Variants in VOPP1 observed in about 807,000 individuals in gnomAD.
The protein encoded by VOPP1 is WW domain binding protein VOPP1.
VOPP1 carries 8 observed loss-of-function variants against 23.5 expected under a neutral mutation model. The ratio of observed to expected loss-of-function variants is 0.34; its 90% CI spans 0.20 to 0.61. The LOEUF is 0.61. Ranked by LOEUF, VOPP1 falls within the 20% of genes least tolerant of loss-of-function variation. The pLI is 0.78. For synonymous variants in VOPP1, 83 were observed against 97.3 expected (o/e 0.85, Z 0.86); for missense variants, 174 against 238.1 (o/e 0.73, Z 1.77).
At chr7:55,532,155 G>C (rs926495493) in intron 1 of VOPP1, among the ~76,000 whole-genome samples, 1 of 152,244 alleles carries the variant, frequency 6.6e-6, no homozygotes, top group African/African-American at 2.4e-5. Context: ...GAAAAGCTGA[G>C]ATGTGACTAA....
At chr7:55,545,732 TG>T in intron 1 of VOPP1, among the ~76,000 whole-genome samples, 1 of 152,226 alleles carries the variant, frequency 6.6e-6, no homozygotes, top group South Asian at 2.1e-4. Flanking sequence ...GCAAGCCCCA[TG>T]GAAGCTCACA....
At chr7:55,478,938 T>C (rs1013101924) in intron 4 of VOPP1, among the ~76,000 whole-genome samples, 1 of 151,516 alleles carries the variant, frequency 6.6e-6, no homozygotes, top group Non-Finnish European at 1.5e-5. Context: ...GGAAGGAGAG[T>C]TGGAGGGGGA....
At chr7:55,551,848 G>A (rs577532967) in intron 1 of VOPP1, among the ~76,000 whole-genome samples, 8 of 151,892 alleles carry the variant, frequency 5.3e-5, no homozygotes, top group African/African-American at 1.7e-4. Context: ...GAGACCAGCC[G>A]GGCCAACATG....
chr7:55,496,575 AG>A (rs1323557630), intron 3 of VOPP1, among the ~76,000 whole-genome samples: 5 of 152,222 alleles, frequency 3.3e-5, no homozygotes, highest in African/African-American at 9.6e-5. Flanking sequence ...AGCAGCTGTA[AG>A]GTCAGGTGAG....
rs190238341 is a variant in VOPP1, at chr7:55,509,624, A to C, written c.113+11448T>G. Among the ~76,000 whole-genome samples the C allele has an allele frequency of 3.6e-4, 55 of 152,312 alleles. No homozygotes were observed. In the East Asian group the frequency reaches 0.01, roughly 29 times the overall value. On this transcript the variant is annotated intron_variant, in intron 2 of 4. Transcript: ENST00000285279. ...TTAGCTGTTATAAGCAAATGCTCAG[A>C]ACTCTTAAGTCTACATTCCAGCTCT...
At chr7:55,558,658 A>C (rs1022586601) in intron 1 of VOPP1, among the ~76,000 whole-genome samples, 3 of 152,052 alleles carry the variant, frequency 2.0e-5, no homozygotes, top group African/African-American at 7.2e-5. Flanking sequence ...AGGTGCTGTA[A>C]AGTCTCTTCA....
At chr7:55,510,386 G>T (rs538191641) in intron 2 of VOPP1, among the ~76,000 whole-genome samples, 1 of 152,020 alleles carries the variant, frequency 6.6e-6, no homozygotes, top group Admixed American at 6.6e-5. Context: ...CATTCAGACC[G>T]CAATAAACTT....
At chr7:55,569,913 A>T (rs117754628) in intron 1 of VOPP1, among the ~76,000 whole-genome samples, 1,665 of 152,316 alleles carry the variant, frequency 0.011, 11 homozygotes, top group Middle Eastern at 0.024. Context: ...CACCACTGCC[A>T]CAAGGCCACC....
chr7:55,465,363 T>C (rs976328592), intron 4 of VOPP1, among the ~76,000 whole-genome samples: 3 of 152,152 alleles, frequency 2.0e-5, no homozygotes, highest in African/African-American at 7.2e-5. Flanking sequence ...GCAACACACA[T>C]CAACCTTTCA....
At chr7:55,543,963 C>A (rs986819710) in intron 1 of VOPP1, among the ~76,000 whole-genome samples, 1 of 152,126 alleles carries the variant, frequency 6.6e-6, no homozygotes, top group African/African-American at 2.4e-5. Flanking sequence ...GCTTTTGAGG[C>A]TTTACTCAAG....
intron 1 of VOPP1, among the ~76,000 whole-genome samples, chr7:55,565,864 T>C (rs1351253931): frequency 6.6e-6 from 1 of 152,138 alleles, no homozygotes; most frequent in Non-Finnish European, 1.5e-5. Context: ...CTTCCTATTG[T>C]TCAATAAGTG....
chr7:55,477,738 G>A (rs1792376470), intron 4 of VOPP1, among the ~76,000 whole-genome samples: 1 of 152,178 alleles, frequency 6.6e-6, no homozygotes, highest in African/African-American at 2.4e-5. Context: ...GAGATGGAGA[G>A]GTATTTGGAA....
chr7:55,558,637 T>C (rs1412531885), intron 1 of VOPP1, among the ~76,000 whole-genome samples: 2 of 152,176 alleles, frequency 1.3e-5, no homozygotes, highest in African/African-American at 4.8e-5. Context: ...CAGAGGCTAC[T>C]GTGCTGTGTC....
intron 4 of VOPP1, among the ~76,000 whole-genome samples, chr7:55,444,018 A>G (rs1048960802): frequency 3.9e-5 from 6 of 152,196 alleles, no homozygotes; most frequent in African/African-American, 9.6e-5. Flanking sequence ...ATTTGCTTCA[A>G]TATGATGCAG....
At chr7:55,561,580 GC>G (rs1269578281) in intron 1 of VOPP1, among the ~76,000 whole-genome samples, 3 of 151,696 alleles carry the variant, frequency 2.0e-5, no homozygotes, top group Non-Finnish European at 4.4e-5. Flanking sequence ...GTGCTGGTGG[GC>G]ACCTTATGTC....
At chr7:55,435,061 A>G (rs1166181885), downstream of VOPP1, among the ~76,000 whole-genome samples, 1 of 151,488 alleles carries the variant, frequency 6.6e-6, no homozygotes. Context: ...AACCATCTCC[A>G]CTCCCGCCCA....
intron 4 of VOPP1, 30 bp from the exon 5 acceptor site, chr7:55,473,075 A>G: frequency 6.3e-7 from 1 of 1,577,532 alleles, no homozygotes; most frequent in Non-Finnish European, 8.6e-7. Flanking sequence ...AGGTGAGCAC[A>G]GAAGGGAAAG....
downstream of VOPP1, among the ~76,000 whole-genome samples, chr7:55,468,812 T>C (rs936312736): frequency 1.3e-5 from 2 of 152,150 alleles, no homozygotes; most frequent in Non-Finnish European, 2.9e-5. Context: ...GAAGATAATG[T>C]TTTCCTGCAA....
intron 1 of VOPP1, among the ~76,000 whole-genome samples, chr7:55,547,880 C>G (rs113767683): frequency 1.3e-5 from 2 of 152,306 alleles, no homozygotes; most frequent in African/African-American, 4.8e-5. Context: ...TGCCCTGAGC[C>G]TGCAGGCATG....
Sources: gnomAD v4.1 joint callset for allele counts (sites outside exome capture counted in the v4.1 genomes callset) on GRCh38, gnomAD v4.1.1 for gene constraint, MANE v1.5 for transcripts, NCBI Gene and HGNC (gene_info 2026-07-23, HGNC 2026-07-21) for gene names.